The following RGS3 variants were observed in gnomAD, a reference collection of about 807,000 sequenced individuals.
RGS3 encodes regulator of G protein signaling 3.
Under a neutral mutation model 132.6 loss-of-function variants are expected in RGS3, and 80 were observed. The ratio of observed to expected loss-of-function variants is 0.60; its 90% CI spans 0.50 to 0.73. The LOEUF is 0.73. Ranked by LOEUF, RGS3 falls within the 30% of genes least tolerant of loss-of-function variation. The pLI, the probability that RGS3 is intolerant of heterozygous loss-of-function variation, is 0.00. For synonymous variants in RGS3, 598 were observed against 620.6 expected, an observed-to-expected ratio of 0.96 and a Z score of 0.54; for missense variants, 1,382 against 1,530.8, an observed-to-expected ratio of 0.90 and a Z score of 1.62.
chr9:113,528,008 C>G (rs1442768094), intron 17 of RGS3, among the ~76,000 whole-genome samples: 1 of 152,146 alleles, frequency 6.6e-6, no homozygotes, highest in Non-Finnish European at 1.5e-5. Context: ...CTCTTCCTTA[C>G]TCCTGGGCAA....
At chr9:113,596,787 C>A (rs143869201) in exon 25 of RGS3, 2 of 1,611,664 alleles carry the variant, frequency 1.2e-6, no homozygotes, top group South Asian at 1.1e-5. Flanking sequence ...GACTCCTACA[C>A]GCGGGAGCAC....
exon 20 of RGS3, chr9:113,583,975 G>C: frequency 6.2e-7 from 1 of 1,614,102 alleles, no homozygotes; most frequent in Non-Finnish European, 8.5e-7. Context: ...GCCAGCCTTC[G>C]TGATCCCTGA....
intron 19 of RGS3, chr9:113,580,854 C>T (rs1378239208): frequency 1.0e-6 from 1 of 985,774 alleles, no homozygotes; most frequent in Non-Finnish European, 1.2e-6. Flanking sequence ...CTGACAGTCA[C>T]CACTGGGACA....
At chr9:113,484,771 C>T (rs1056307651) in intron 6 of RGS3, among the ~76,000 whole-genome samples, 6 of 152,168 alleles carry the variant, frequency 3.9e-5, no homozygotes, top group Admixed American at 3.9e-4. Flanking sequence ...TTTCCCCAAT[C>T]TCTGAACTCT....
rs1416522943 is a variant in RGS3 at position 113,506,847 on chromosome 9, A to T, written c.1085+354A>T. 6.6e-6 allele frequency among the ~76,000 whole-genome samples: 1 copy of T among 152,216 alleles called. No individual in the cohort carries two copies. The highest frequency in any genetic ancestry group is 1.5e-5 in the Non-Finnish European group (1 of 68,038). On this transcript the variant is annotated intron_variant, in intron 12 of 24. Coordinates refer to ENST00000350696, the Ensembl canonical transcript of RGS3. The surrounding 1 kb of genome is among the most constrained non-coding windows in gnomAD (Gnocchi z 4.7). ...ATGTTGCAAATGTTTCAATTGCACA[A>T]TTAAAAAAATATTCTTGAAAACATT...
At chr9:113,460,725 T>A (rs1396503908) in intron 1 of RGS3, among the ~76,000 whole-genome samples, 2 of 152,180 alleles carry the variant, frequency 1.3e-5, no homozygotes, top group African/African-American at 4.8e-5. Context: ...TAGTACAAGT[T>A]CCCTTTGTTA....
chr9:113,592,887 T>C (rs1340938579), intron 21 of RGS3: 1 of 152,260 alleles, frequency 6.6e-6, no homozygotes, highest in Non-Finnish European at 1.5e-5. Flanking sequence ...CGCACTGTTC[T>C]GTGTGTATTT....
intron 19 of RGS3, among the ~76,000 whole-genome samples, chr9:113,557,699 A>G (rs1046239790): frequency 3.3e-5 from 5 of 152,200 alleles, no homozygotes; most frequent in Admixed American, 1.3e-4. Context: ...ACCAATCATG[A>G]ACAGCATATG....
At chr9:113,502,515 T>TCTC (rs1460867329) in intron 10 of RGS3, among the ~76,000 whole-genome samples, 1 of 152,184 alleles carries the variant, frequency 6.6e-6, no homozygotes, top group East Asian at 1.9e-4. Context: ...CCTCCCCCGC[T>TCTC]CTCAGGTTCT....
intron 16 of RGS3, among the ~76,000 whole-genome samples, chr9:113,520,921 T>C (rs796328850): frequency 6.6e-6 from 1 of 152,176 alleles, no homozygotes; most frequent in South Asian, 2.1e-4. Context: ...TGTAAGCACA[T>C]TGGTATCTCT....
intron 19 of RGS3, chr9:113,581,031 TC>T: frequency 7.7e-6 from 1 of 130,066 alleles, no homozygotes; most frequent in Non-Finnish European, 1.6e-5. Flanking sequence ...AGGGGGTGGG[TC>T]GGGGGGAGGT....
At chr9:113,594,579 C>T (rs777289188) in intron 22 of RGS3, 48 bp downstream of exon 20, 14 of 1,243,926 alleles carry the variant, frequency 1.1e-5, no homozygotes, top group Admixed American at 3.6e-5. Flanking sequence ...CTCACTGGCT[C>T]CCCGGGGAGT....
chr9:113,507,763 G>A lies in RGS3; in HGVS notation c.1437+125G>A. On this transcript the variant is annotated intron_variant, in intron 13 of 24. Transcript: ENST00000350696. The surrounding 1 kb of genome is among the most constrained non-coding windows in gnomAD (Gnocchi z 5.0). ...GGGCTGCGATGTTGGGCAAGGAGAT[G>A]GGGTATGTGCTAGCTCTGCCTTCTG... The A allele has an allele frequency of 1.3e-6, 1 of 765,118 alleles. No individual in the cohort carries two copies. The highest frequency in any genetic ancestry group is 2.7e-5 in the South Asian group (1 of 37,186). 47.4% of individuals were successfully genotyped at this position (765,118 alleles called of 1,614,324 possible).
chr9:113,584,064 G>A lies in RGS3; in HGVS notation c.2652G>A (p.Glu884=), dbSNP rs1057412034. ...CGGGAGATGAGGAGGATGCAGAAGA[G>A]GCCGAGGAGGTGGAGGAGGGGGAGG... The change falls in exon 20 of 25, where the codon GAG becomes GAA. Residue 884 remains glutamate (E), a synonymous_variant. Transcript: ENST00000350696. 8.7e-6 allele frequency: 14 copies of A among 1,614,092 alleles called. No homozygotes were observed. In the Admixed American group the frequency reaches 2.2e-4, roughly 25 times the overall value.
intron 19 of RGS3, among the ~76,000 whole-genome samples, chr9:113,580,172 G>A (rs1225017222): frequency 2.0e-5 from 3 of 152,298 alleles, no homozygotes; most frequent in Admixed American, 6.5e-5. Flanking sequence ...GGCCCTGTTC[G>A]CCAGCATCTG....
Position 113,508,562 on chromosome 9 carries a change from G to A in RGS3, c.1459G>A (p.Glu487Lys), listed in dbSNP as rs1831251856. 3 of 1,612,424 alleles carry A rather than the reference G, an allele frequency of 1.9e-6. No homozygotes were observed. The African/African-American group carries it at 4.0e-5, about 22-fold the overall frequency. Residue 487 changes from glutamate (E) to lysine (K), a missense_variant, in exon 14 of 25, where the codon GAG becomes AAG. Coordinates refer to ENST00000350696, the Ensembl canonical transcript of RGS3. ...GCAGCTGCTCCGGCCTGTGTACCAGGAGGATACCATCCCCGAAGGTGAGTC... is the reference window on the plus strand; with the variant it reads ...GCAGCTGCTCCGGCCTGTGTACCAGAAGGATACCATCCCCGAAGGTGAGTC...
At chr9:113,558,390 C>A (rs1009021542) in intron 19 of RGS3, among the ~76,000 whole-genome samples, 16 of 152,078 alleles carry the variant, frequency 1.1e-4, no homozygotes, top group African/African-American at 3.9e-4. Context: ...GTAATCCCAG[C>A]TACTTGGGAG....
intron 7 of RGS3, among the ~76,000 whole-genome samples, chr9:113,490,117 C>T (rs1830461566): frequency 6.6e-6 from 1 of 152,160 alleles, no homozygotes; most frequent in Admixed American, 6.5e-5. Context: ...CAGTCCCTTC[C>T]CTGCGCTGAG....
At chr9:113,452,527 T>A (rs1052557320) in intron 1 of RGS3, among the ~76,000 whole-genome samples, 1 of 152,012 alleles carries the variant, frequency 6.6e-6, no homozygotes. Flanking sequence ...TCAGAGTTCA[T>A]TGACCTTCTT....
Sources: allele counts gnomAD v4.1 joint callset (sites outside exome capture counted in the v4.1 genomes callset), GRCh38; gene constraint gnomAD v4.1.1; non-coding constraint Gnocchi (gnomAD v3.1); transcripts MANE v1.5; gene names NCBI Gene and HGNC (gene_info 2026-07-23, HGNC 2026-07-21).